Variants in MAN2B1 observed in about 807,000 individuals in gnomAD.
MAN2B1 encodes the protein lysosomal alpha-mannosidase.
MAN2B1 carries 99 observed loss-of-function variants against 127.5 expected under a neutral mutation model. The observed-to-expected ratio is 0.78, with a 90% CI of 0.66 to 0.92. MAN2B1 has a LOEUF of 0.92. Among genes scored for constraint, MAN2B1 ranks in the 40% least tolerant of loss-of-function variants. The probability of loss-of-function intolerance (pLI) is 0.00; values close to 1 mark genes in which losing one functional copy is unlikely to be tolerated. For synonymous variants in MAN2B1, 573 were observed against 568.8 expected, an observed-to-expected ratio of 1.01 and a Z score of -0.11; for missense variants, 1,304 against 1,384.8, an observed-to-expected ratio of 0.94 and a Z score of 0.93.
intron 13 of MAN2B1, 185 bp downstream of exon 13, chr19:12,656,386 A>C: frequency 1.7e-6 from 1 of 580,518 alleles, no homozygotes; most frequent in Non-Finnish European, 3.1e-6. Context: ...AGGACCACTC[A>C]CAGGAGGCAT....
intron 5 of MAN2B1, 42 bp from the exon 6 acceptor site, chr19:12,663,504 A>G (rs764511313): frequency 6.2e-7 from 1 of 1,609,282 alleles, no homozygotes; most frequent in Non-Finnish European, 8.5e-7. Flanking sequence ...CATCACCCAG[A>G]CCTTCCCTGG....
rs864621981 is a variant in MAN2B1 at position 12,658,318 on chromosome 19, G to A, written c.1136C>T (p.Pro379Leu). ...TWSVKHDDFF[P>L]YADGPHQFWT... ...GAACTGGTGGGGGCCATCCGCGTAA[G>A]GGAAGAAGTCGTCATGTTTCACTGA... The change falls in exon 9 of 24, where the codon CCT (proline) becomes CTT (leucine). Residue 379 changes from proline to leucine, a missense_variant. Physicochemically the swap from Pro to Leu is moderately conservative, Grantham distance 98 (BLOSUM62 -3). Transcript: ENST00000456935. The A allele has an allele frequency of 1.2e-6, 2 of 1,614,120 alleles. No homozygotes were observed. Among genetic ancestry groups the A allele is most frequent in the African/African-American group, 1.3e-5 (1 of 74,934 alleles).
chr19:12,648,164 C>A lies in MAN2B1; in HGVS notation c.2664+11G>T. The A allele has an allele frequency of 6.5e-7, 1 of 1,534,162 alleles. No individual in the cohort carries two copies. The highest frequency in any genetic ancestry group is 8.7e-7 in the Non-Finnish European group (1 of 1,145,738). On this transcript the variant is annotated intron_variant, in intron 21 of 23. Coordinates refer to ENST00000456935, the MANE Select transcript of MAN2B1 (RefSeq NM_000528.4). Reference sequence around the variant, plus strand: ...AATCCGGTCCTCTCTGCCTACCCCGCTGCCCCTCACCTGCGTGCGCGGAGG... The same window carrying A: ...AATCCGGTCCTCTCTGCCTACCCCGATGCCCCTCACCTGCGTGCGCGGAGG...
chr19:12,660,496 C>T (rs150121202), intron 7 of MAN2B1, among the ~76,000 whole-genome samples: 55 of 152,042 alleles, frequency 3.6e-4, no homozygotes, highest in African/African-American at 1.1e-3. Context: ...AGCGAGACTC[C>T]GTCTCTAAGT....
chr19:12,649,393 G>C lies in MAN2B1; in HGVS notation c.2303C>G (p.Thr768Arg). ...DYRPTWKLNQ[T>R]EPVAGNYYPV... ...ATAGTAGTTTCCTGCCACGGGCTCC[G>C]TCTGGTTCAGTTTCCAGGTGGGTCG... The change falls in exon 19 of 24, where the codon ACG becomes AGG. Residue 768 changes from threonine (T) to arginine (R), a missense_variant. By Grantham distance (71) the Thr-to-Arg change is moderately conservative (BLOSUM62 -1). Coordinates refer to ENST00000456935, the MANE Select transcript of MAN2B1 (RefSeq NM_000528.4). 1 of 1,612,662 alleles carries C rather than the reference G, an allele frequency of 6.2e-7. No individual in the cohort carries two copies. The highest frequency in any genetic ancestry group is 1.1e-5 in the South Asian group (1 of 90,912).
At chr19:12,656,448 G>T (rs938335044) in intron 13 of MAN2B1, 123 bp downstream of exon 13, 9 of 732,714 alleles carry the variant, frequency 1.2e-5, no homozygotes, top group Admixed American at 3.6e-5. Context: ...AGATACAAGA[G>T]GGGGGAAGAG....
At chr19:12,646,898 C>T (rs577635954) in intron 23 of MAN2B1, 166 bp from the exon 24 acceptor site, 3 of 634,054 alleles carry the variant, frequency 4.7e-6, no homozygotes, top group East Asian at 2.7e-5. Flanking sequence ...GAATACCACC[C>T]CCAGGTCCAA....
chr19:12,661,084 T>C, intron 7 of MAN2B1, 176 bp downstream of exon 7: 1 of 601,874 alleles, frequency 1.7e-6, no homozygotes, highest in Non-Finnish European at 3.1e-6. Flanking sequence ...CCTACAGAAC[T>C]GTAAGACAAT....
chr19:12,663,277 T>C (rs1165103850), intron 6 of MAN2B1, 40 bp downstream of exon 6: 2 of 1,612,306 alleles, frequency 1.2e-6, no homozygotes, highest in Non-Finnish European at 1.7e-6. Context: ...CTCATTGTAT[T>C]GTATATACCG....
chr19:12,664,883 T>C lies in MAN2B1; in HGVS notation c.539A>G (p.Glu180Gly). The C allele has an allele frequency of 6.2e-7, 1 of 1,614,134 alleles. No homozygotes were observed. The highest frequency in any genetic ancestry group is 1.1e-5 in the South Asian group (1 of 91,070). ...DQMTLGLRFLEDTFGNDGRPR... is the reference protein window; with the variant it reads ...DQMTLGLRFLGDTFGNDGRPR... ...TCGCCCATCATTGCCAAATGTGTCC[T>C]CCAGAAAGCGCAGCCCAAGTGTCAT... The change falls in exon 4 of 24, where the codon GAG (glutamate) becomes GGG (glycine). Residue 180 changes from glutamate to glycine, a missense_variant. Glu to Gly is a moderately conservative substitution (Grantham distance 98). Transcript: ENST00000456935.
chr19:12,647,122 C>T lies in MAN2B1; in HGVS notation c.2923+111G>A. On this transcript the variant is annotated intron_variant, in intron 23 of 23. Transcript: ENST00000456935. The surrounding 1 kb of genome is among the most constrained non-coding windows in gnomAD (Gnocchi z 4.9). ...ACCTGGGTCTGGACTCTGCCCCATA[C>T]CCTCATGACCTTTTTGGGTCCTGGC... is the stretch of plus-strand genomic sequence containing the variant. The T allele has an allele frequency of 9.6e-7, 1 of 1,044,864 alleles. No homozygotes were observed. The highest frequency in any genetic ancestry group is 1.3e-5 in the South Asian group (1 of 77,158). The allele number at this position is 1,044,864 out of a possible 1,614,324, so 64.7% of individuals were successfully genotyped here.
intron 14 of MAN2B1, among the ~76,000 whole-genome samples, chr19:12,655,273 G>A (rs2023929851): frequency 6.6e-6 from 1 of 152,156 alleles, no homozygotes; most frequent in East Asian, 1.9e-4. Context: ...AGCTCCTTGT[G>A]GCTCCTGGAA....
At position 12,665,695 on chromosome 19, in the gene MAN2B1, C is replaced by T. The variant is rs1177317317; in HGVS notation, c.262+8G>A. ...GATCCCAGGGACCAGTCCCCATCCT[C>T]TACTCACTTCCATAAAAGTACTGGT... On this transcript the variant is annotated splice_region_variant and intron_variant, in intron 2 of 23. Coordinates refer to ENST00000456935, the MANE Select transcript of MAN2B1 (RefSeq NM_000528.4). 6.2e-7 allele frequency: 1 copy of T among 1,613,080 alleles called. No homozygotes were observed.
chr19:12,647,000 G>C (rs527402279), intron 23 of MAN2B1: 1 of 608,388 alleles, frequency 1.6e-6, no homozygotes, highest in South Asian at 2.0e-5. Context: ...ACATGGATGG[G>C]GATTTTCAAA....
At position 12,649,029 on chromosome 19, in the gene MAN2B1, C is replaced by T; in HGVS notation, c.2436+107G>A. 3 of 913,942 alleles carry T rather than the reference C, an allele frequency of 3.3e-6. No individual in the cohort carries two copies. In the South Asian group the frequency reaches 4.1e-5, roughly 13 times the overall value. The allele number at this position is 913,942 out of a possible 1,614,324, so 56.6% of individuals were successfully genotyped here. On this transcript the variant is annotated intron_variant, in intron 20 of 23. Coordinates refer to ENST00000456935, the MANE Select transcript of MAN2B1 (RefSeq NM_000528.4). ...GAAAAGAAAGAAACGGAGTCCTCAG[C>T]TTAGTGGGGCCTGAAAGCAGAGAAC... is the stretch of plus-strand genomic sequence containing the variant.
chr19:12,648,314 T>A lies in MAN2B1; in HGVS notation c.2525A>T (p.His842Leu). 12 of 1,613,314 alleles carry A rather than the reference T, an allele frequency of 7.4e-6. No individual in the cohort carries two copies. The highest frequency in any genetic ancestry group is 9.3e-6 in the Non-Finnish European group (11 of 1,179,860). Residue 842 changes from histidine (H) to leucine (L), a missense_variant, in exon 21 of 24, where the codon CAC (histidine) becomes CTC (leucine). His to Leu is a moderately conservative substitution (Grantham distance 99). Transcript: ENST00000456935. ...CTGGGCTGTGTCCAGCAGCACCAGG[T>A]GGCGCCCTCGCACCCACGCCCCCGA... Reference protein sequence around the residue: ...NGSGAWVRGRHLVLLDTAQAA... With the variant: ...NGSGAWVRGRLLVLLDTAQAA...
intron 20 of MAN2B1, 33 bp from the exon 21 acceptor site, chr19:12,648,435 T>TGG (rs767484276): frequency 1.3e-6 from 2 of 1,560,968 alleles, no homozygotes; most frequent in Admixed American, 3.4e-5. Flanking sequence ...GGGGTGAGAG[T>TGG]CGTGGGTTTG....
chr19:12,655,100 G>A (rs990779215), intron 14 of MAN2B1, among the ~76,000 whole-genome samples: 8 of 152,052 alleles, frequency 5.3e-5, no homozygotes, highest in African/African-American at 1.9e-4. Context: ...CCAATTAGCT[G>A]GGACAACTCC....
chr19:12,647,567 G>T lies in MAN2B1; in HGVS notation c.2696C>A (p.Ser899Ter), dbSNP rs767323371. Residue 899 changes from serine (S) to a stop codon, truncating the protein, a stop_gained, in exon 22 of 24, where the codon TCG (serine) becomes TAG (stop). Transcript: ENST00000456935. LOFTEE classifies it high-confidence loss of function. The surrounding 1 kb of genome is among the most constrained non-coding windows in gnomAD (Gnocchi z 4.9). Reference protein sequence around the residue: ...FSGLRRDLPPSVHLLTLASWG... With the variant: ...FSGLRRDLPP ...GCTGGCCAGCGTGAGCAGGTGCACC[G>T]AGGGCGGCAGGTCCCTGCGCAGCCC... 12 of 1,614,066 alleles carry T rather than the reference G, an allele frequency of 7.4e-6. No individual in the cohort carries two copies. Among genetic ancestry groups the T allele is most frequent in the Non-Finnish European group, 1.0e-5 (12 of 1,179,978 alleles).
Sources: allele counts gnomAD v4.1 joint callset (sites outside exome capture counted in the v4.1 genomes callset), GRCh38; gene constraint gnomAD v4.1.1; non-coding constraint Gnocchi (gnomAD v3.1); transcripts MANE v1.5; gene names NCBI Gene and HGNC (gene_info 2026-07-23, HGNC 2026-07-21).